Variants in AK9 observed in about 807,000 individuals in gnomAD.
AK9 encodes adenylate kinase domain containing 1.
In AK9, 191 loss-of-function variants were observed where a neutral mutation model predicts 239.6. That is an observed-to-expected ratio of 0.80 (90% CI 0.71 to 0.90). The LOEUF (loss-of-function observed/expected upper bound fraction) is 0.90, where lower values mean the gene tolerates loss of function less well. AK9 is among the 40% of genes least tolerant of loss of function. AK9 has a pLI of 0.00. For synonymous variants in AK9, 689 were observed against 721.0 expected, an observed-to-expected ratio of 0.96 and a Z score of 0.71; for missense variants, 1,995 against 2,214.7, an observed-to-expected ratio of 0.90 and a Z score of 1.99.
chr6:109,644,398 C>T, intron 9 of AK9: 1 of 409,038 alleles, frequency 2.4e-6, no homozygotes, highest in East Asian at 4.1e-5. Context: ...CTTTGAGACG[C>T]CTTTTGAAAG....
At chr6:109,508,775 G>A (rs1410381486) in intron 33 of AK9, among the ~76,000 whole-genome samples, 1 of 152,148 alleles carries the variant, frequency 6.6e-6, no homozygotes, top group Non-Finnish European at 1.5e-5. Context: ...ACTGCTACCC[G>A]TGCAGAGAGC....
At chr6:109,679,666 C>A (rs1772332324) in intron 1 of AK9, among the ~76,000 whole-genome samples, 1 of 152,186 alleles carries the variant, frequency 6.6e-6, no homozygotes, top group Non-Finnish European at 1.5e-5. Context: ...CTGGGAGACA[C>A]CTCCCAGCAG....
At chr6:109,570,919 C>G (rs1434752823) in intron 21 of AK9, among the ~76,000 whole-genome samples, 1 of 151,962 alleles carries the variant, frequency 6.6e-6, no homozygotes, top group African/African-American at 2.4e-5. Flanking sequence ...TTTGAGCACC[C>G]CTGTAGGAAA....
chr6:109,629,736 CA>C (rs1176330599), intron 12 of AK9, among the ~76,000 whole-genome samples: 5 of 151,894 alleles, frequency 3.3e-5, no homozygotes, highest in African/African-American at 9.7e-5. Flanking sequence ...GGGTTCACGC[CA>C]TTCTCCTGCC....
chr6:109,514,128 T>C, intron 32 of AK9, 96 bp downstream of exon 32: 1 of 1,178,990 alleles, frequency 8.5e-7, no homozygotes, highest in Non-Finnish European at 1.2e-6. Context: ...CTTTTTCTGC[T>C]GCAACCCAGT....
Position 109,533,385 on chromosome 6 carries a change from C to A in AK9, c.3436G>T (p.Ala1146Ser). Residue 1146 changes from alanine to serine, a missense_variant, in exon 28 of 41, where the codon GCT (alanine) becomes TCT (serine). Coordinates refer to ENST00000424296, the MANE Select transcript of AK9 (RefSeq NM_001145128.3). Reference sequence around the variant, plus strand: ...TGATCATCAACTTGTATAAAAACAGCTGCATCTGGGAAAAATCCACGATCT... The same window carrying A: ...TGATCATCAACTTGTATAAAAACAGATGCATCTGGGAAAAATCCACGATCT... ...LGDRGFFPDA[A>S]VFIQVDDQDI... 2 of 1,610,724 alleles carry A rather than the reference C, an allele frequency of 1.2e-6. No homozygotes were observed. Among genetic ancestry groups the A allele is most frequent in the Non-Finnish European group, 1.7e-6 (2 of 1,178,538 alleles).
intron 16 of AK9, 28 bp downstream of exon 16, chr6:109,611,982 G>T: frequency 7.1e-7 from 1 of 1,403,242 alleles, no homozygotes; most frequent in Non-Finnish European, 9.7e-7. Flanking sequence ...CAATCTAAAA[G>T]AATCAAATTA....
intron 27 of AK9, among the ~76,000 whole-genome samples, chr6:109,535,995 T>A (rs1781932719): frequency 6.6e-6 from 1 of 152,212 alleles, no homozygotes; most frequent in Non-Finnish European, 1.5e-5. Flanking sequence ...ACCATGTTGT[T>A]TTGGTTACTG....
chr6:109,610,323 T>G, intron 17 of AK9, 42 bp downstream of exon 17: 1 of 1,531,490 alleles, frequency 6.5e-7, no homozygotes, highest in Non-Finnish European at 8.8e-7. Flanking sequence ...TTCTCAGTAA[T>G]AGTTAAGTCA....
At chr6:109,566,386 T>C (rs1254411861) in intron 21 of AK9, among the ~76,000 whole-genome samples, 1 of 151,764 alleles carries the variant, frequency 6.6e-6, no homozygotes, top group Non-Finnish European at 1.5e-5. Flanking sequence ...CAAAAGAGAG[T>C]ATTGATCCAA....
At chr6:109,600,210 G>T (rs1791716762) in intron 17 of AK9, among the ~76,000 whole-genome samples, 1 of 152,118 alleles carries the variant, frequency 6.6e-6, no homozygotes, top group South Asian at 2.1e-4. Flanking sequence ...TATTGGCTGT[G>T]GGTTTGTCAT....
chr6:109,537,427 A>T (rs141943576), intron 27 of AK9, among the ~76,000 whole-genome samples: 27,382 of 138,172 alleles, frequency 0.2, 3,254 homozygotes, highest in Middle Eastern at 0.28. Flanking sequence ...GGTAGTTTGC[A>T]TTTCTGTGGG....
intron 32 of AK9, among the ~76,000 whole-genome samples, chr6:109,510,955 A>C (rs1778671866): frequency 6.6e-6 from 1 of 152,236 alleles, no homozygotes; most frequent in African/African-American, 2.4e-5. Context: ...AATTTCAAAA[A>C]TTAAAATTGC....
intron 5 of AK9, among the ~76,000 whole-genome samples, 192 bp from the exon 6 acceptor site, chr6:109,662,855 T>C (rs920960996): frequency 6.6e-6 from 1 of 151,988 alleles, no homozygotes; most frequent in Non-Finnish European, 1.5e-5. Flanking sequence ...AATGTTTTTC[T>C]GATGATAAAG....
intron 21 of AK9, among the ~76,000 whole-genome samples, chr6:109,570,438 T>A (rs376242207): frequency 7.3e-5 from 11 of 151,468 alleles, no homozygotes; most frequent in African/African-American, 2.4e-4. Flanking sequence ...ATAATAATAA[T>A]AAAAAAAAGA....
intron 29 of AK9, chr6:109,528,587 G>A (rs184549391): frequency 2.9e-4 from 133 of 457,650 alleles, no homozygotes; most frequent in African/African-American, 2.2e-3. Flanking sequence ...CTTTGGCCCC[G>A]CTTCTGCAAT....
chr6:109,594,225 GACAA>G (rs1042015795), intron 17 of AK9, among the ~76,000 whole-genome samples: 54 of 152,204 alleles, frequency 3.5e-4, no homozygotes, highest in African/African-American at 1.2e-3. Flanking sequence ...ACCAATAATA[GACAA>G]ACAGAGAGCC....
intron 17 of AK9, among the ~76,000 whole-genome samples, chr6:109,608,644 T>G (rs1385693099): frequency 1.3e-5 from 2 of 152,080 alleles, no homozygotes; most frequent in Admixed American, 1.3e-4. Context: ...TAGGAGAATA[T>G]CTTCCTGATT....
At chr6:109,543,533 C>T (rs957024974) in intron 26 of AK9, among the ~76,000 whole-genome samples, 10 of 152,018 alleles carry the variant, frequency 6.6e-5, no homozygotes, top group East Asian at 3.9e-4. Flanking sequence ...CTGCAACCTC[C>T]GCCTCCTGGG....
Sources: gnomAD v4.1 joint callset for allele counts (sites outside exome capture counted in the v4.1 genomes callset) on GRCh38, gnomAD v4.1.1 for gene constraint, MANE v1.5 for transcripts, NCBI Gene and HGNC (gene_info 2026-07-23, HGNC 2026-07-21) for gene names.